FMNL2: variants seen among roughly 807,000 people sequenced by gnomAD.
FMNL2 encodes the protein formin like 2.
Under a neutral mutation model 130.2 loss-of-function variants are expected in FMNL2, and 51 were observed. The ratio of observed to expected loss-of-function variants is 0.39; its 90% CI spans 0.31 to 0.49. The LOEUF (loss-of-function observed/expected upper bound fraction) is 0.49. Among genes scored for constraint, FMNL2 ranks in the 20% least tolerant of loss-of-function variants. The pLI, the probability that FMNL2 is intolerant of heterozygous loss-of-function variation, is 0.85. For missense variants in FMNL2, 977 were observed against 1,316.2 expected (o/e 0.74, Z 3.99); for synonymous variants, 465 against 467.1 (o/e 1.00, Z 0.06).
intron 21 of FMNL2, among the ~76,000 whole-genome samples, chr2:152,634,534 G>GA (rs1384706932): frequency 1.3e-5 from 2 of 152,192 alleles, no homozygotes; most frequent in Non-Finnish European, 2.9e-5. Flanking sequence ...TTCCTGTAGT[G>GA]AAAAAAATCT....
intron 3 of FMNL2, among the ~76,000 whole-genome samples, chr2:152,544,353 A>C (rs190432464): frequency 1.9e-3 from 289 of 152,318 alleles, no homozygotes; most frequent in Middle Eastern, 3.4e-3. Flanking sequence ...GGTTGCAGTG[A>C]GCTGAGATTG....
At chr2:152,345,637 A>G (rs980415211) in intron 1 of FMNL2, among the ~76,000 whole-genome samples, 1 of 152,200 alleles carries the variant, frequency 6.6e-6, no homozygotes, top group African/African-American at 2.4e-5. Flanking sequence ...ACAATGGAGT[A>G]TCTTGACTAA....
intron 9 of FMNL2, among the ~76,000 whole-genome samples, chr2:152,603,399 G>T (rs954387058): frequency 1.0e-3 from 138 of 135,158 alleles, no homozygotes; most frequent in African/African-American, 2.6e-3. Context: ...ATTTAAGTCT[G>T]TTTTTTTTTT....
At chr2:152,491,736 A>G (rs887810448) in intron 1 of FMNL2, among the ~76,000 whole-genome samples, 1 of 152,198 alleles carries the variant, frequency 6.6e-6, no homozygotes, top group East Asian at 1.9e-4. Context: ...GGATCACTTA[A>G]GGTCAGGAGT....
intron 5 of FMNL2, among the ~76,000 whole-genome samples, chr2:152,559,116 A>G (rs1695388762): frequency 6.6e-6 from 1 of 152,250 alleles, no homozygotes. Context: ...ATAGTCTAAC[A>G]GTTGGTGAAA....
intron 1 of FMNL2, among the ~76,000 whole-genome samples, chr2:152,360,035 A>G (rs1683072786): frequency 1.3e-5 from 2 of 152,200 alleles, no homozygotes; most frequent in African/African-American, 4.8e-5. Flanking sequence ...TCCTTCAATA[A>G]CAAGCTTGTA....
At chr2:152,337,688 A>G (rs1330799826) in intron 1 of FMNL2, among the ~76,000 whole-genome samples, 1 of 152,094 alleles carries the variant, frequency 6.6e-6, no homozygotes, top group Admixed American at 6.5e-5. Flanking sequence ...GTACATCCCA[A>G]GCTTCTTGGG....
At chr2:152,532,248 A>T (rs1412676073) in intron 2 of FMNL2, among the ~76,000 whole-genome samples, 1 of 152,242 alleles carries the variant, frequency 6.6e-6, no homozygotes, top group Admixed American at 6.5e-5. Context: ...GTAACAAAGT[A>T]AATAAATAAT....
intron 1 of FMNL2, among the ~76,000 whole-genome samples, chr2:152,438,198 C>T (rs1305358849): frequency 6.6e-6 from 1 of 152,160 alleles, no homozygotes; most frequent in Non-Finnish European, 1.5e-5. Flanking sequence ...TATAAGAAGG[C>T]CTGTTCAGCA....
At chr2:152,467,464 C>T (rs775918944) in intron 1 of FMNL2, among the ~76,000 whole-genome samples, 3 of 152,210 alleles carry the variant, frequency 2.0e-5, no homozygotes, top group Non-Finnish European at 2.9e-5. Context: ...CCTGCTTCTT[C>T]CCTCGGCCCC....
chr2:152,569,730 C>T (rs1249617694), intron 6 of FMNL2, among the ~76,000 whole-genome samples: 1 of 148,856 alleles, frequency 6.7e-6, no homozygotes, highest in East Asian at 2.0e-4. Context: ...ATACTTGTGG[C>T]TGGGCATGGT....
intron 1 of FMNL2, among the ~76,000 whole-genome samples, chr2:152,420,631 C>T (rs766107596): frequency 2.0e-5 from 3 of 152,210 alleles, no homozygotes; most frequent in Non-Finnish European, 4.4e-5. Flanking sequence ...AGCGACATCT[C>T]ATTCCAAAAA....
rs1438736250 is a variant in FMNL2, at chr2:152,486,498, CTGGT to C, written c.118-35442_118-35439del. On this transcript the variant is annotated intron_variant, in intron 1 of 25. Coordinates refer to ENST00000288670, the MANE Select transcript of FMNL2 (RefSeq NM_052905.4). ...GGATTACTTGGAGAAAAGACAGTTT[CTGGT>C]TGAATTTTCTTTTAAATGGAAGGTT... 2.6e-5 allele frequency among the ~76,000 whole-genome samples: 4 copies of C among 152,304 alleles called. No individual in the cohort carries two copies. The East Asian group carries it at 7.7e-4, about 29-fold the overall frequency.
At chr2:152,642,425 G>C (rs1019749609) in intron 25 of FMNL2, among the ~76,000 whole-genome samples, 1 of 152,198 alleles carries the variant, frequency 6.6e-6, no homozygotes, top group African/African-American at 2.4e-5. Flanking sequence ...AAGCAGTGTA[G>C]GTCTTAGATA....
intron 1 of FMNL2, among the ~76,000 whole-genome samples, chr2:152,432,688 A>G (rs1687560908): frequency 6.6e-6 from 1 of 152,212 alleles, no homozygotes; most frequent in African/African-American, 2.4e-5. Context: ...AAGTCTTTGG[A>G]TGTTCCTTCT....
chr2:152,512,729 A>G (rs1692555242), intron 1 of FMNL2, among the ~76,000 whole-genome samples: 1 of 152,200 alleles, frequency 6.6e-6, no homozygotes, highest in Admixed American at 6.5e-5. Flanking sequence ...ACTGGTTTAA[A>G]AAATGGATAA....
Position 152,629,888 on chromosome 2 carries a change from C to T in FMNL2, c.2533C>T (p.Leu845Phe). The T allele has an allele frequency of 6.2e-7, 1 of 1,609,994 alleles. No individual in the cohort carries two copies. The highest frequency in any genetic ancestry group is 2.2e-5 in the East Asian group (1 of 44,826). ...SKRGAVYGFK[L>F]QSLDLLLDTK... ...AAGAGGAGCAGTTTATGGATTTAAA[C>T]TTCAGAGTTTAGATCTGGTGAGTGG... Residue 845 changes from leucine to phenylalanine, a missense_variant, in exon 20 of 26, where the codon CTT (leucine) becomes TTT (phenylalanine). Coordinates refer to ENST00000288670, the MANE Select transcript of FMNL2 (RefSeq NM_052905.4).
chr2:152,613,053 GC>G, intron 11 of FMNL2, among the ~76,000 whole-genome samples: 1 of 152,332 alleles, frequency 6.6e-6, no homozygotes, highest in East Asian at 1.9e-4. Flanking sequence ...TCCTAGACTG[GC>G]TGGGCTGCCC....
chr2:152,520,690 A>G (rs1693041475), intron 1 of FMNL2, among the ~76,000 whole-genome samples: 1 of 152,228 alleles, frequency 6.6e-6, no homozygotes, highest in African/African-American at 2.4e-5. Context: ...TACTTAAGGC[A>G]TACCAATCTA....
Sources: gnomAD v4.1 joint callset for allele counts (sites outside exome capture counted in the v4.1 genomes callset) on GRCh38, gnomAD v4.1.1 for gene constraint, MANE v1.5 for transcripts, NCBI Gene and HGNC (gene_info 2026-07-23, HGNC 2026-07-21) for gene names.